The following HNRNPR variants were observed in gnomAD, a reference collection of about 807,000 sequenced individuals.
HNRNPR encodes heterogeneous nuclear ribonucleoprotein R.
Under a neutral mutation model 70.3 loss-of-function variants are expected in HNRNPR, and 4 were observed. The ratio of observed to expected loss-of-function variants is 0.06; its 90% CI spans 0.03 to 0.13. The LOEUF is 0.13. Among genes scored for constraint, HNRNPR ranks in the 10% least tolerant of loss-of-function variants. The probability of loss-of-function intolerance (pLI) is 1.00; values close to 1 mark genes in which losing one functional copy is unlikely to be tolerated. For synonymous variants in HNRNPR, 241 were observed against 267.6 expected (o/e 0.90, Z 0.97); for missense variants, 423 against 788.5 (o/e 0.54, Z 5.55).
rs1472974368 is a variant in HNRNPR at position 23,318,358 on chromosome 1, T to TTTG, written c.1017+124_1017+125insCAA. Reference sequence around the variant, plus strand: ...TTAACTTTAGTGTTAAAGCCGCTCCTTGCCAAACAGTTGAAGTCTAAAGCT... The same window carrying TTTG: ...TTAACTTTAGTGTTAAAGCCGCTCCTTTGTGCCAAACAGTTGAAGTCTAAAGCT... On this transcript the variant is annotated intron_variant, in intron 8 of 10. Transcript: ENST00000302271. This position sits in a 1 kb window ranked among gnomAD's most constrained non-coding sequence, Gnocchi z 4.2. 1 of 781,982 alleles carries TTTG rather than the reference T, an allele frequency of 1.3e-6. No homozygotes were observed. Among genetic ancestry groups the TTTG allele is most frequent in the Non-Finnish European group, 2.0e-6 (1 of 487,994 alleles). 48.4% of individuals were successfully genotyped at this position (781,982 alleles called of 1,614,324 possible).
chr1:23,320,309 T>A (rs989096142), intron 7 of HNRNPR, among the ~76,000 whole-genome samples: 3 of 152,158 alleles, frequency 2.0e-5, no homozygotes, highest in African/African-American at 7.2e-5. Flanking sequence ...GTAGCAGTGG[T>A]TACAAAGTGG....
intron 8 of HNRNPR, among the ~76,000 whole-genome samples, chr1:23,314,473 C>T (rs780696465): frequency 3.3e-5 from 5 of 152,128 alleles, no homozygotes; most frequent in Non-Finnish European, 7.4e-5. Flanking sequence ...GCTAATCTCT[C>T]TTTTATATCA....
chr1:23,310,036 T>A lies in HNRNPR; in HGVS notation c.*418A>T. On this transcript the variant is annotated 3_prime_UTR_variant, in exon 11 of 11. Transcript: ENST00000302271. The surrounding 1 kb of genome is among the most constrained non-coding windows in gnomAD (Gnocchi z 6.0). ...CTTAAATTTGTTTGCTTTAATTTCTTAAAACTACTAAGACAAAGCACTAGC... is the reference window on the plus strand; with the variant it reads ...CTTAAATTTGTTTGCTTTAATTTCTAAAAACTACTAAGACAAAGCACTAGC... 6.5e-6 allele frequency: 1 copy of A among 154,252 alleles called. No homozygotes were observed. The highest frequency in any genetic ancestry group is 1.4e-5 in the Non-Finnish European group (1 of 69,144). The allele number at this position is 154,252 out of a possible 1,614,324, so 9.6% of individuals were successfully genotyped here. A position where few individuals can be genotyped will look rare whatever the true frequency, so the allele number is the denominator to read the frequency against.
rs138770154 is a variant in HNRNPR at position 23,328,447 on chromosome 1, T to C, written c.499-4715A>G. The stretch of plus-strand genomic sequence containing the variant: ...AGCAACAGTGAGTTTTCGGTTATAC[T>C]GGATTCAAATCTACATTTTAGTTAC... On this transcript the variant is annotated intron_variant, in intron 5 of 10. Coordinates refer to ENST00000302271, the MANE Select transcript of HNRNPR (RefSeq NM_005826.5). 3.9e-5 allele frequency among the ~76,000 whole-genome samples: 6 copies of C among 152,330 alleles called. No individual in the cohort carries two copies. The East Asian group carries it at 5.8e-4, about 15-fold the overall frequency.
Position 23,336,074 on chromosome 1 carries a change from G to A in HNRNPR, c.384+1680C>T, listed in dbSNP as rs570736028. ...GGAGCTTGCAGTGAGCCGAGATCCC[G>A]CCACTGCACTCCAGCCTGGGCGACA... On this transcript the variant is annotated intron_variant, in intron 4 of 10. Transcript: ENST00000302271. Among the ~76,000 whole-genome samples the A allele has an allele frequency of 9.9e-3, 1,203 of 121,190 alleles. 24 individuals are homozygous for A. Among genetic ancestry groups the A allele is most frequent in the African/African-American group, 0.034 (1,117 of 32,570 alleles). The allele number at this position is 121,190 out of a possible 152,430, so 79.5% of individuals were successfully genotyped here. A position where few individuals can be genotyped will look rare whatever the true frequency, so the allele number is the denominator to read the frequency against.
At chr1:23,333,750 G>T in intron 4 of HNRNPR, 119 bp from the exon 5 acceptor site, 1 of 575,366 alleles carries the variant, frequency 1.7e-6, no homozygotes. Flanking sequence ...TTATGGTTAG[G>T]TAAAAAAAAA....
intron 5 of HNRNPR, among the ~76,000 whole-genome samples, chr1:23,326,548 G>A (rs114241021): frequency 0.11 from 16,611 of 152,158 alleles, 1,213 homozygotes; most frequent in Middle Eastern, 0.27. Context: ...ACTTTGGGAG[G>A]CTGAGACGGG....
chr1:23,338,568 A>C lies in HNRNPR; in HGVS notation c.198T>G (p.Asp66Glu). 2 of 1,600,648 alleles carry C rather than the reference A, an allele frequency of 1.2e-6. No individual in the cohort carries two copies. Among genetic ancestry groups the C allele is most frequent in the Non-Finnish European group, 1.7e-6 (2 of 1,173,372 alleles). ...CTTCTTCATTAAATTCCCTGAGAGC[A>C]TCAATTGCTCTTTCATCAAGATCGA... ...AYVDLDERAI[D>E]ALREFNEEGA... The change falls in exon 3 of 11, where the codon GAT becomes GAG. Residue 66 changes from aspartate to glutamate, a missense_variant. Physicochemically the swap from Asp to Glu is conservative, Grantham distance 45 (BLOSUM62 2). Transcript: ENST00000302271.
At chr1:23,311,756 C>T (rs549237933) in intron 9 of HNRNPR, 47 of 156,022 alleles carry the variant, frequency 3.0e-4, no homozygotes, top group Admixed American at 5.7e-4. Context: ...ACATACAGGT[C>T]TTCCACTGTT....
chr1:23,310,393 G>T lies in HNRNPR; in HGVS notation c.*61C>A, dbSNP rs553558371. On this transcript the variant is annotated 3_prime_UTR_variant, in exon 11 of 11. Transcript: ENST00000302271. The surrounding 1 kb of genome is among the most constrained non-coding windows in gnomAD (Gnocchi z 6.0). Reference sequence around the variant, plus strand: ...AACAGTTAAGCCAATTTTTTTTTTTGAAGAATGTAGATCTAGAGCCAATCG... The same window carrying T: ...AACAGTTAAGCCAATTTTTTTTTTTTAAGAATGTAGATCTAGAGCCAATCG... 690 of 1,426,170 alleles carry T rather than the reference G, an allele frequency of 4.8e-4. 2 individuals carry two copies. The African/African-American group carries it at 8.1e-3, about 17-fold the overall frequency. 88.3% of individuals were successfully genotyped at this position (1,426,170 alleles called of 1,614,324 possible).
chr1:23,336,347 T>G (rs1362194003), intron 4 of HNRNPR, among the ~76,000 whole-genome samples: 1 of 149,282 alleles, frequency 6.7e-6, no homozygotes, highest in Non-Finnish European at 1.5e-5. Context: ...GGGCGGATCA[T>G]GAGGTCAGGA....
In HNRNPR at chr1:23,310,780, T is replaced by C. The variant is rs765345862; in HGVS notation, c.1576A>G (p.Arg526Gly). ...RGRGAPPPRGRAGYSQRGAPL... is the reference protein window; with the variant it reads ...RGRGAPPPRGGAGYSQRGAPL... ...GCCCCCCTCTGTGAATAGCCAGCTC[T>C]ACCTCTTGGAGGTGGTGCTCCCCTC... Residue 526 changes from arginine to glycine, a missense_variant, in exon 11 of 11, where the codon AGA (arginine) becomes GGA (glycine). By Grantham distance (125) the Arg-to-Gly change is moderately radical. Transcript: ENST00000302271. The surrounding 1 kb of genome is among the most constrained non-coding windows in gnomAD (Gnocchi z 6.0). 7 of 1,614,024 alleles carry C rather than the reference T, an allele frequency of 4.3e-6. No homozygotes were observed. The highest frequency in any genetic ancestry group is 5.9e-6 in the Non-Finnish European group (7 of 1,179,964).
At chr1:23,336,184 G>T (rs1570102975) in intron 4 of HNRNPR, among the ~76,000 whole-genome samples, 1 of 150,654 alleles carries the variant, frequency 6.6e-6, no homozygotes, top group East Asian at 1.9e-4. Flanking sequence ...CAGCACTTTG[G>T]GGAGGGTGAG....
intron 8 of HNRNPR, among the ~76,000 whole-genome samples, chr1:23,317,844 G>A (rs1645609515): frequency 1.3e-5 from 2 of 151,956 alleles, no homozygotes; most frequent in East Asian, 3.9e-4. Flanking sequence ...GCCGGGCATG[G>A]TGGCAGGCGC....
At chr1:23,313,734 T>G in intron 8 of HNRNPR, 32 bp from the exon 9 acceptor site, 1 of 1,588,790 alleles carries the variant, frequency 6.3e-7, no homozygotes, top group South Asian at 1.2e-5. Flanking sequence ...AAACCGTCAT[T>G]GGCTACTTAA....
intron 9 of HNRNPR, chr1:23,311,889 T>C (rs895532535): frequency 6.6e-6 from 1 of 152,504 alleles, no homozygotes; most frequent in African/African-American, 2.4e-5. Flanking sequence ...TAACCCAAAA[T>C]GTACTTTGCT....
intron 2 of HNRNPR, among the ~76,000 whole-genome samples, chr1:23,340,105 C>A (rs1646656426): frequency 6.6e-6 from 1 of 151,702 alleles, no homozygotes; most frequent in Non-Finnish European, 1.5e-5. Flanking sequence ...CAATTCAATT[C>A]TCTCTCAGAA....
chr1:23,333,741 T>C (rs1211484095), intron 4 of HNRNPR, 110 bp from the exon 5 acceptor site: 7 of 584,640 alleles, frequency 1.2e-5, no homozygotes, highest in Non-Finnish European at 1.8e-5. Flanking sequence ...GATATATTTT[T>C]ATGGTTAGGT....
chr1:23,331,601 C>T (rs1429281839), intron 5 of HNRNPR, among the ~76,000 whole-genome samples: 1 of 151,582 alleles, frequency 6.6e-6, no homozygotes, highest in South Asian at 2.1e-4. Context: ...GTAGGAGAAT[C>T]GCTTGAACCC....
Sources: gnomAD v4.1 joint callset for allele counts (sites outside exome capture counted in the v4.1 genomes callset) on GRCh38, gnomAD v4.1.1 for gene constraint, Gnocchi (gnomAD v3.1) non-coding constraint, MANE v1.5 for transcripts, NCBI Gene and HGNC (gene_info 2026-07-23, HGNC 2026-07-21) for gene names.